The following TSPAN1 variants were observed in gnomAD, a reference collection of about 807,000 sequenced individuals.
TSPAN1 encodes the protein tetraspanin-1.
TSPAN1 carries 23 observed loss-of-function variants against 26.9 expected under a neutral mutation model. That is an observed-to-expected ratio of 0.85 (90% CI 0.62 to 1.21). The LOEUF is 1.21. TSPAN1 is among the 50% of genes most tolerant of loss of function. TSPAN1 has a pLI of 0.00. For missense variants in TSPAN1, 283 were observed against 298.4 expected (o/e 0.95, Z 0.38); for synonymous variants, 115 against 114.8 (o/e 1.00, Z -0.01).
At chr1:46,175,548 A>G in intron 1 of TSPAN1, 139 bp downstream of exon 1, 1 of 399,062 alleles carries the variant, frequency 2.5e-6, no homozygotes. Flanking sequence ...ATGCAGGTCC[A>G]GGGCAAACCA....
At chr1:46,190,005 G>A, downstream of TSPAN1, 4 of 1,613,414 alleles carry the variant, frequency 2.5e-6, no homozygotes, top group South Asian at 4.4e-5. Context: ...GTAGAGGGTG[G>A]GAGAATATAG....
intron 1 of TSPAN1, chr1:46,176,481 G>A (rs1343124258): frequency 3.3e-6 from 5 of 1,535,474 alleles, no homozygotes; most frequent in Middle Eastern, 3.3e-4. Context: ...TGGGCACAGG[G>A]AGCTTCTGCA....
downstream of TSPAN1, chr1:46,190,335 C>T (rs1297716274): frequency 7.6e-6 from 9 of 1,188,986 alleles, no homozygotes; most frequent in East Asian, 2.4e-5. Flanking sequence ...TGAGCCACCG[C>T]GCCCGGCCTG....
the TSPAN1 span, chr1:46,193,503 C>T: frequency 6.2e-7 from 1 of 1,613,820 alleles, no homozygotes; most frequent in Non-Finnish European, 8.5e-7. Context: ...TTGCCCGTCC[C>T]TGGCAATCAC....
At chr1:46,182,643 G>A (rs900989972) in intron 3 of TSPAN1, among the ~76,000 whole-genome samples, 29 of 152,280 alleles carry the variant, frequency 1.9e-4, no homozygotes, top group African/African-American at 6.5e-4. Context: ...CCAGGAGGCG[G>A]AGGTTGCAGT....
chr1:46,196,141 G>A, the TSPAN1 span: 5 of 1,611,136 alleles, frequency 3.1e-6, no homozygotes, highest in Non-Finnish European at 4.2e-6. This position sits in a 1 kb window ranked among gnomAD's most constrained non-coding sequence, Gnocchi z 4.4. Flanking sequence ...TCTGTCTTAG[G>A]GGTACTTAAA....
At chr1:46,193,015 C>T in the TSPAN1 span, 4 of 1,609,784 alleles carry the variant, frequency 2.5e-6, no homozygotes, top group East Asian at 8.9e-5. Flanking sequence ...CTGTGATCTC[C>T]TTTGCCCCCA....
At chr1:46,190,692 C>T, downstream of TSPAN1, 8 of 1,597,242 alleles carry the variant, frequency 5.0e-6, no homozygotes, top group Non-Finnish European at 6.9e-6. Flanking sequence ...CCTAGATATC[C>T]ACCCCTTGCC....
chr1:46,189,360 G>T (rs1448053668), downstream of TSPAN1: 1 of 1,613,858 alleles, frequency 6.2e-7, no homozygotes, highest in Non-Finnish European at 8.5e-7. Flanking sequence ...TCTTCACTCT[G>T]GGAAAATAAT....
At chr1:46,184,521 G>C (rs1571639463) in intron 4 of TSPAN1, 73 bp from the exon 5 acceptor site, 4 of 1,604,378 alleles carry the variant, frequency 2.5e-6, no homozygotes, top group South Asian at 2.2e-5. Flanking sequence ...CACTTTTCCG[G>C]GGGGGGGATT....
At chr1:46,191,906 T>C in the TSPAN1 span, 4 of 842,474 alleles carry the variant, frequency 4.7e-6, no homozygotes, top group Non-Finnish European at 7.2e-6. Context: ...AGTGCTGGGA[T>C]TACAGGCGTG....
At chr1:46,192,181 G>A in the TSPAN1 span, 39 of 1,614,176 alleles carry the variant, frequency 2.4e-5, no homozygotes, top group South Asian at 2.7e-4. Flanking sequence ...TCTCGGCCCC[G>A]GCGTTGTTCA....
At chr1:46,190,829 G>A, downstream of TSPAN1, 1 of 1,537,498 alleles carries the variant, frequency 6.5e-7, no homozygotes, top group Non-Finnish European at 9.0e-7. Flanking sequence ...ACATTGTCTG[G>A]CCCACACCCA....
In TSPAN1 at chr1:46,184,373, T is replaced by C. The variant is rs35000902; in HGVS notation, c.240T>C (p.Thr80=). 6 of 1,614,140 alleles carry C rather than the reference T, an allele frequency of 3.7e-6. No homozygotes were observed. Among genetic ancestry groups the C allele is most frequent in the East Asian group, 2.2e-5 (1 of 44,880 alleles). The change falls in exon 4 of 9, where the codon ACT becomes ACC. Residue 80 remains threonine, a synonymous_variant. Transcript: ENST00000372003. ...LGFLGCYGAK[T]ESKCALVTFF... ...TCCTGGGCTGCTATGGTGCTAAGAC[T>C]GAGAGCAAGTGTGCCCTCGTGACGG...
the TSPAN1 span, chr1:46,191,348 T>C: frequency 8.3e-5 from 16 of 193,634 alleles, no homozygotes; most frequent in Admixed American, 6.4e-4. Context: ...GGAATGGTCC[T>C]CTGAATGCAG....
At chr1:46,184,934 C>A in intron 6 of TSPAN1, 26 bp from the exon 7 acceptor site, 1 of 1,614,094 alleles carries the variant, frequency 6.2e-7, no homozygotes, top group African/African-American at 1.3e-5. Flanking sequence ...AGCAAGGCCC[C>A]ACCTCCACCC....
chr1:46,193,224 G>T, the TSPAN1 span: 1 of 1,614,170 alleles, frequency 6.2e-7, no homozygotes, highest in Non-Finnish European at 8.5e-7. Context: ...TGCTGGGAGT[G>T]GGGTGGGAAT....
At chr1:46,175,925 T>G in intron 1 of TSPAN1, 1 of 463,746 alleles carries the variant, frequency 2.2e-6, no homozygotes, top group Non-Finnish European at 3.8e-6. Flanking sequence ...CAGGCTGGAG[T>G]GCAGTGGCGC....
chr1:46,184,185 C>G lies in TSPAN1; in HGVS notation c.58-6C>G. 1 of 1,614,098 alleles carries G rather than the reference C, an allele frequency of 6.2e-7. No individual in the cohort carries two copies. The highest frequency in any genetic ancestry group is 1.1e-5 in the South Asian group (1 of 91,074). On this transcript the variant is annotated splice_region_variant and splice_polypyrimidine_tract_variant and intron_variant, in intron 3 of 8. Coordinates refer to ENST00000372003, the MANE Select transcript of TSPAN1 (RefSeq NM_005727.4). ...TTTAAGGCCTGCCTGACCTCTCTCT[C>G]CCCAGCTGTGTGGTGCAGCCCTGTT...
Sources: gnomAD v4.1 joint callset for allele counts (sites outside exome capture counted in the v4.1 genomes callset) on GRCh38, gnomAD v4.1.1 for gene constraint, Gnocchi (gnomAD v3.1) non-coding constraint, MANE v1.5 for transcripts, NCBI Gene and HGNC (gene_info 2026-07-23, HGNC 2026-07-21) for gene names.